The following FRAS1 variants were observed in gnomAD, a reference collection of about 807,000 sequenced individuals.
FRAS1 encodes the protein extracellular matrix organizing protein FRAS1.
In FRAS1, 290 loss-of-function variants were observed where a neutral mutation model predicts 435.2. The ratio of observed to expected loss-of-function variants is 0.67; its 90% CI spans 0.61 to 0.73. FRAS1 has a LOEUF of 0.73. Among genes scored for constraint, FRAS1 ranks in the 30% least tolerant of loss-of-function variants. The pLI is 0.00. For synonymous variants in FRAS1, 1,800 were observed against 1,851.0 expected (o/e 0.97, Z 0.71); for missense variants, 4,860 against 5,001.5 (o/e 0.97, Z 0.85).
At chr4:78,445,376 G>A in intron 41 of FRAS1, 146 bp from the exon 42 acceptor site, 2 of 1,050,468 alleles carry the variant, frequency 1.9e-6, no homozygotes, top group Non-Finnish European at 2.6e-6. Flanking sequence ...TCCAATTCCT[G>A]GTCTTGTGCT....
rs2110319237 is a variant in FRAS1, at chr4:78,379,766, G to T, written c.3333G>T (p.Leu1111=). The T allele has an allele frequency of 1.2e-6, 2 of 1,613,662 alleles. No homozygotes were observed. Among genetic ancestry groups the T allele is most frequent in the South Asian group, 1.1e-5 (1 of 91,002 alleles). The change falls in exon 27 of 74, where the codon CTG becomes CTT. Residue 1111 remains leucine (L), a synonymous_variant. Transcript: ENST00000512123. ...CTAGTCTTCATGTGAATGGTTCCCT[G>T]ATCCTCCCAATTGGTTCAATAAAGC... ...HTPSLHVNGS[L]ILPIGSIKPL...
chr4:78,232,399 C>T (rs1450568431), intron 2 of FRAS1, among the ~76,000 whole-genome samples: 4 of 151,930 alleles, frequency 2.6e-5, no homozygotes, highest in Admixed American at 2.6e-4. Context: ...CATTCTCCTG[C>T]CTCAGCCTCC....
intron 6 of FRAS1, among the ~76,000 whole-genome samples, chr4:78,257,442 A>C (rs1725846394): frequency 6.6e-6 from 1 of 152,244 alleles, no homozygotes; most frequent in Non-Finnish European, 1.5e-5. Flanking sequence ...ATTAAATATA[A>C]GGGAAACACA....
chr4:78,182,367 G>A (rs894886458), intron 2 of FRAS1, among the ~76,000 whole-genome samples: 9 of 152,146 alleles, frequency 5.9e-5, no homozygotes, highest in African/African-American at 2.2e-4. Context: ...GATAAGGAAG[G>A]GTTCCTAAGA....
At chr4:78,530,855 G>GT (rs1343206903) in intron 70 of FRAS1, among the ~76,000 whole-genome samples, 7 of 152,170 alleles carry the variant, frequency 4.6e-5, no homozygotes, top group Admixed American at 2.0e-4. Context: ...ATTTAAAGTA[G>GT]TTTTTTCTAA....
intron 2 of FRAS1, among the ~76,000 whole-genome samples, chr4:78,105,467 G>C (rs1273337722): frequency 1.3e-5 from 2 of 152,184 alleles, no homozygotes; most frequent in East Asian, 3.9e-4. Context: ...TAAACCATGA[G>C]CTCTTTATTT....
chr4:78,086,459 A>G (rs138507089), intron 2 of FRAS1, among the ~76,000 whole-genome samples: 2,544 of 152,266 alleles, frequency 0.017, 63 homozygotes, highest in African/African-American at 0.053. Flanking sequence ...GACACAAAAA[A>G]CCGTTCAAAA....
At chr4:78,316,110 A>G (rs902442107) in intron 16 of FRAS1, among the ~76,000 whole-genome samples, 5 of 152,254 alleles carry the variant, frequency 3.3e-5, no homozygotes, top group Admixed American at 3.3e-4. Context: ...ACACACCACA[A>G]AAATAAAATT....
chr4:78,489,968 C>CAAACA (rs1553891075), intron 59 of FRAS1, among the ~76,000 whole-genome samples: 1 of 92,598 alleles, frequency 1.1e-5, no homozygotes, highest in Non-Finnish European at 2.1e-5. Flanking sequence ...TAGTGGAAAA[C>CAAACA]AAAAAAAAAA....
In FRAS1 at chr4:78,432,477, T is replaced by G. The variant is rs1164696890; in HGVS notation, c.5090T>G (p.Leu1697Arg). Residue 1697 changes from leucine to arginine, a missense_variant, in exon 38 of 74, where the codon CTG becomes CGG. By Grantham distance (102) the Leu-to-Arg change is moderately radical. Coordinates refer to ENST00000512123, the MANE Select transcript of FRAS1 (RefSeq NM_025074.7). ...SVTDGLTVTM[L>R]EVRVEVSLSE... ...ACAGATGGCCTCACAGTGACAATGC[T>G]GGAGGTGAGAGTAGAGGTGTCCCTG... The G allele has an allele frequency of 6.2e-7, 1 of 1,613,298 alleles. No individual in the cohort carries two copies. Among genetic ancestry groups the G allele is most frequent in the African/African-American group, 1.3e-5 (1 of 74,930 alleles).
intron 20 of FRAS1, among the ~76,000 whole-genome samples, chr4:78,361,222 G>A (rs1731060852): frequency 6.6e-6 from 1 of 152,208 alleles, no homozygotes; most frequent in African/African-American, 2.4e-5. Context: ...TCCTGGCACT[G>A]TAAGGAAGGC....
intron 14 of FRAS1, among the ~76,000 whole-genome samples, chr4:78,305,125 T>A (rs1276765976): frequency 6.6e-6 from 1 of 152,054 alleles, no homozygotes; most frequent in Non-Finnish European, 1.5e-5. Flanking sequence ...ATGTACCCAG[T>A]AGTCATTCAG....
At chr4:78,363,872 A>T (rs375000229) in intron 21 of FRAS1, 36 bp from the exon 22 acceptor site, 193 of 1,584,506 alleles carry the variant, frequency 1.2e-4, no homozygotes, top group Non-Finnish European at 1.5e-4. Flanking sequence ...AGAATCTGAC[A>T]TCATGGTTTC....
intron 23 of FRAS1, among the ~76,000 whole-genome samples, chr4:78,371,977 T>C (rs1001462907): frequency 6.6e-6 from 1 of 152,190 alleles, no homozygotes; most frequent in African/African-American, 2.4e-5. Context: ...GCATGCACAT[T>C]CAAGGTTAGA....
At chr4:78,442,664 C>T (rs1476016618) in intron 41 of FRAS1, among the ~76,000 whole-genome samples, 2 of 152,156 alleles carry the variant, frequency 1.3e-5, no homozygotes, top group Non-Finnish European at 2.9e-5. Context: ...AGGACTATTC[C>T]CTGGCTAAGA....
intron 2 of FRAS1, among the ~76,000 whole-genome samples, chr4:78,162,908 G>A (rs1161140732): frequency 2.0e-5 from 3 of 152,218 alleles, no homozygotes; most frequent in Non-Finnish European, 4.4e-5. Context: ...AGACAGGAAA[G>A]TTCAGAAAGT....
intron 2 of FRAS1, among the ~76,000 whole-genome samples, chr4:78,108,605 T>A (rs1423762539): frequency 1.1e-5 from 1 of 88,644 alleles, no homozygotes; most frequent in South Asian, 4.0e-4. Flanking sequence ...AAGCAGTGTG[T>A]AGAGGGAAAT....
intron 2 of FRAS1, among the ~76,000 whole-genome samples, chr4:78,123,303 T>A (rs1405641097): frequency 6.6e-6 from 1 of 152,176 alleles, no homozygotes; most frequent in Non-Finnish European, 1.5e-5. Context: ...GTGGTGTTAT[T>A]TCTGAGGCCT....
chr4:78,508,904 G>T lies in FRAS1; in HGVS notation c.9678G>T (p.Val3226=). 1 of 1,613,978 alleles carries T rather than the reference G, an allele frequency of 6.2e-7. No homozygotes were observed. Among genetic ancestry groups the T allele is most frequent in the Non-Finnish European group, 8.5e-7 (1 of 1,179,890 alleles). ...CSEAGINQTS[V]QFSWEVAAPT... ...AGGCCGGCATCAACCAGACATCTGT[G>T]CAGTTCAGCTGGGAAGTGGCTGCCC... Residue 3226 remains valine, a synonymous_variant, in exon 63 of 74, where the codon GTG becomes GTT. Coordinates refer to ENST00000512123, the MANE Select transcript of FRAS1 (RefSeq NM_025074.7).
Sources: gnomAD v4.1 joint callset for allele counts (sites outside exome capture counted in the v4.1 genomes callset) on GRCh38, gnomAD v4.1.1 for gene constraint, MANE v1.5 for transcripts, NCBI Gene and HGNC (gene_info 2026-07-23, HGNC 2026-07-21) for gene names.